Variants in PTPRN2 observed in about 807,000 individuals in gnomAD.
PTPRN2 encodes the protein receptor-type tyrosine-protein phosphatase N2.
A neutral mutation model predicts 118.8 loss-of-function variants in PTPRN2; 74 were observed. The observed-to-expected ratio is 0.62, with a 90% CI of 0.52 to 0.76. PTPRN2 has a LOEUF of 0.76. Among genes scored for constraint, PTPRN2 ranks in the 30% least tolerant of loss-of-function variants. PTPRN2 has a pLI of 0.00. For synonymous variants in PTPRN2, 641 were observed against 608.0 expected (o/e 1.05, Z -0.80); for missense variants, 1,481 against 1,394.4 (o/e 1.06, Z -0.99).
At chr7:158,334,668 A>G (rs868566808) in intron 2 of PTPRN2, among the ~76,000 whole-genome samples, 378 of 80,556 alleles carry the variant, frequency 4.7e-3, no homozygotes, top group African/African-American at 0.015. Context: ...TGACACCTGC[A>G]GACGTCACTC....
chr7:158,529,164 T>A lies in PTPRN2; in HGVS notation c.113-39379A>T, dbSNP rs1451203644. Among the ~76,000 whole-genome samples the A allele has an allele frequency of 6.6e-6, 1 of 152,240 alleles. No individual in the cohort carries two copies. On this transcript the variant is annotated intron_variant, in intron 1 of 22. Coordinates refer to ENST00000389418, the MANE Select transcript of PTPRN2 (RefSeq NM_002847.5). This position sits in a 1 kb window ranked among gnomAD's most constrained non-coding sequence, Gnocchi z 4.7. ...ATGCCTGGGACACAGGACATTAGAATGCCCGCAGCACTCACACAGCACCTG... is the reference window on the plus strand; with the variant it reads ...ATGCCTGGGACACAGGACATTAGAAAGCCCGCAGCACTCACACAGCACCTG...
chr7:157,928,785 GC>G (rs1799179797), intron 11 of PTPRN2, among the ~76,000 whole-genome samples: 1 of 147,612 alleles, frequency 6.8e-6, no homozygotes, highest in African/African-American at 2.5e-5. Flanking sequence ...GGGGCAGATG[GC>G]AGGGCACAGG....
intron 5 of PTPRN2, among the ~76,000 whole-genome samples, chr7:158,182,530 G>T (rs1244361449): frequency 1.3e-5 from 2 of 152,020 alleles, no homozygotes; most frequent in African/African-American, 2.4e-5. Flanking sequence ...GTGTCCATGT[G>T]TTCTCACTGT....
intron 2 of PTPRN2, among the ~76,000 whole-genome samples, chr7:158,328,223 G>C (rs934723520): frequency 6.6e-6 from 1 of 152,150 alleles, no homozygotes; most frequent in Admixed American, 6.5e-5. Flanking sequence ...GGTGAATCCT[G>C]AGAGACAGCA....
chr7:158,041,011 G>T (rs949509535), intron 11 of PTPRN2, among the ~76,000 whole-genome samples: 1 of 152,208 alleles, frequency 6.6e-6, no homozygotes, highest in South Asian at 2.1e-4. Context: ...GATCACAGGC[G>T]TGAGCCGCCA....
chr7:158,393,928 C>T (rs972772062), intron 2 of PTPRN2, among the ~76,000 whole-genome samples: 1 of 152,046 alleles, frequency 6.6e-6, no homozygotes, highest in African/African-American at 2.4e-5. Flanking sequence ...CCCAAGGACA[C>T]CACTGCTCTG....
At chr7:157,595,463 G>C in intron 16 of PTPRN2, 148 bp from the exon 17 acceptor site, 1 of 674,848 alleles carries the variant, frequency 1.5e-6, no homozygotes, top group Non-Finnish European at 2.5e-6. Context: ...TAGGAAACCT[G>C]GGGGTTAGGA....
intron 3 of PTPRN2, among the ~76,000 whole-genome samples, chr7:158,270,832 A>ACGACCCCCCACC (rs1491217373): frequency 7.7e-4 from 4 of 5,186 alleles, no homozygotes; most frequent in South Asian, 6.9e-3. Flanking sequence ...CTCCACCTGG[A>ACGACCCCCCACC]TGACCCCCTC....
intron 1 of PTPRN2, among the ~76,000 whole-genome samples, chr7:158,569,882 C>T (rs1289238062): frequency 3.4e-4 from 50 of 146,458 alleles, no homozygotes; most frequent in Non-Finnish European, 3.3e-4. Flanking sequence ...GGCGCGAGGC[C>T]GCCTGACAGG....
At chr7:157,972,298 G>A (rs1802391370) in intron 11 of PTPRN2, among the ~76,000 whole-genome samples, 1 of 152,340 alleles carries the variant, frequency 6.6e-6, no homozygotes, top group Admixed American at 6.5e-5. Flanking sequence ...TCATTCTAAG[G>A]ATGACAGACA....
At chr7:158,340,655 G>A (rs867062494) in intron 2 of PTPRN2, among the ~76,000 whole-genome samples, 520 of 95,112 alleles carry the variant, frequency 5.5e-3, no homozygotes, top group South Asian at 0.016. Flanking sequence ...GCTGACGCCC[G>A]CAGACGTCAC....
At chr7:158,202,614 G>A (rs1052490598) in intron 4 of PTPRN2, among the ~76,000 whole-genome samples, 10 of 152,178 alleles carry the variant, frequency 6.6e-5, no homozygotes, top group African/African-American at 1.9e-4. Context: ...GGAGTGTGGA[G>A]GAAAGGAGTC....
intron 2 of PTPRN2, among the ~76,000 whole-genome samples, chr7:158,391,080 C>A (rs571162420): frequency 1.3e-5 from 2 of 152,316 alleles, no homozygotes; most frequent in Admixed American, 6.5e-5. Context: ...TTCCCTCTTG[C>A]GACGGTTGTA....
intron 11 of PTPRN2, among the ~76,000 whole-genome samples, chr7:158,054,788 G>A (rs1224183734): frequency 3.3e-5 from 5 of 152,248 alleles, no homozygotes; most frequent in Non-Finnish European, 7.3e-5. Flanking sequence ...GATTGCAGCT[G>A]ATGTGCCTGG....
intron 12 of PTPRN2, among the ~76,000 whole-genome samples, chr7:157,751,752 C>T (rs1007909717): frequency 6.6e-6 from 1 of 152,050 alleles, no homozygotes; most frequent in Non-Finnish European, 1.5e-5. Context: ...ATCCCAACTG[C>T]CCGCACCCTT....
intron 3 of PTPRN2, among the ~76,000 whole-genome samples, chr7:158,273,637 G>A (rs1224042634): frequency 4.5e-5 from 4 of 88,726 alleles, no homozygotes; most frequent in Non-Finnish European, 6.7e-5. Context: ...TGGGGGAGCC[G>A]CAGACAGACA....
intron 11 of PTPRN2, among the ~76,000 whole-genome samples, chr7:158,066,930 G>C (rs1810819132): frequency 6.6e-6 from 1 of 152,204 alleles, no homozygotes; most frequent in Non-Finnish European, 1.5e-5. Flanking sequence ...ATCTTAAGCA[G>C]ATTTTCAATC....
At chr7:158,473,339 G>T (rs1386684529) in intron 2 of PTPRN2, among the ~76,000 whole-genome samples, 2 of 152,202 alleles carry the variant, frequency 1.3e-5, no homozygotes, top group African/African-American at 2.4e-5. Context: ...AGCTCTTCCT[G>T]CCATAAGCAC....
chr7:158,077,338 C>T (rs983052768), intron 11 of PTPRN2, among the ~76,000 whole-genome samples: 8 of 152,192 alleles, frequency 5.3e-5, no homozygotes, highest in South Asian at 2.1e-4. Flanking sequence ...AGCAGGAGGA[C>T]GTCACGGAAA....
Sources: allele counts gnomAD v4.1 joint callset (sites outside exome capture counted in the v4.1 genomes callset), GRCh38; gene constraint gnomAD v4.1.1; non-coding constraint Gnocchi (gnomAD v3.1); transcripts MANE v1.5; gene names NCBI Gene and HGNC (gene_info 2026-07-23, HGNC 2026-07-21).